Variants in UGGT2 observed in about 807,000 individuals in gnomAD.
UGGT2 encodes UDP-glucose:glycoprotein glucosyltransferase 2.
In UGGT2, 180 loss-of-function variants were observed where a neutral mutation model predicts 192.1. The observed-to-expected ratio is 0.94, with a 90% confidence interval of 0.83 to 1.06. UGGT2 has a LOEUF of 1.06. UGGT2 is among the 50% of genes least tolerant of loss of function. UGGT2 has a pLI of 0.00. For missense variants in UGGT2, 1,849 were observed against 1,795.7 expected (o/e 1.03, Z -0.54); for synonymous variants, 580 against 591.0 (o/e 0.98, Z 0.27).
intron 38 of UGGT2, among the ~76,000 whole-genome samples, chr13:95,830,171 A>G (rs1044254430): frequency 6.6e-6 from 1 of 152,228 alleles, no homozygotes; most frequent in Non-Finnish European, 1.5e-5. Context: ...TAAAACCATA[A>G]AAACTGTAGA....
intron 24 of UGGT2, among the ~76,000 whole-genome samples, chr13:95,893,449 T>C (rs1664015624): frequency 2.6e-5 from 4 of 152,264 alleles, no homozygotes; most frequent in African/African-American, 9.6e-5. Context: ...GATATAACTA[T>C]GGAAGTAATA....
chr13:96,023,150 A>G lies in UGGT2; in HGVS notation c.375T>C (p.Ile125=). Residue 125 remains isoleucine, a splice_region_variant and synonymous_variant, in exon 4 of 39, where the codon ATT becomes ATC. Transcript: ENST00000376747. ...CATCTGGTGGTGGCTCATCAGCTGC[A>G]ATCTAAGATTTCAAAGATTATATTT... is the stretch of plus-strand genomic sequence containing the variant. ...YSPAIQMFQQ[I]AADEPPPDGC... is the part of the protein sequence containing the mutation. The G allele has an allele frequency of 6.4e-7, 1 of 1,573,126 alleles. No individual in the cohort carries two copies. Among genetic ancestry groups the G allele is most frequent in the Non-Finnish European group, 8.6e-7 (1 of 1,158,518 alleles).
chr13:95,959,257 T>A (rs1485228636), intron 12 of UGGT2, among the ~76,000 whole-genome samples: 2 of 152,156 alleles, frequency 1.3e-5, no homozygotes, highest in East Asian at 3.9e-4. Flanking sequence ...TGTGTGTGTG[T>A]TTTGGGGTGG....
At chr13:96,010,653 T>C (rs1228819353) in intron 5 of UGGT2, among the ~76,000 whole-genome samples, 2 of 152,188 alleles carry the variant, frequency 1.3e-5, no homozygotes, top group Non-Finnish European at 2.9e-5. Flanking sequence ...TCAAGAGACA[T>C]AATTTTCAAT....
chr13:95,884,811 C>T lies in UGGT2; in HGVS notation c.3039-131G>A, dbSNP rs113290527. The T allele has an allele frequency of 2.4e-4, 202 of 842,636 alleles. 1 individual carries two copies. In the Middle Eastern group the frequency reaches 2.5e-3, roughly 11 times the overall value. The allele number at this position is 842,636 out of a possible 1,614,324, so 52.2% of individuals were successfully genotyped here. A position where few individuals can be genotyped will look rare whatever the true frequency, so the allele number is the denominator to read the frequency against. ...ATCAAAAAGACTAAGATGCATTATA[C>T]TGCAGAAAAGTTAATGCTTATGAGA... is the stretch of plus-strand genomic sequence containing the variant. On this transcript the variant is annotated intron_variant, in intron 26 of 38. Transcript: ENST00000376747.
intron 12 of UGGT2, among the ~76,000 whole-genome samples, chr13:95,959,072 A>G (rs906984736): frequency 6.6e-5 from 10 of 152,186 alleles, no homozygotes; most frequent in African/African-American, 2.4e-4. Flanking sequence ...CAGCTCCCAC[A>G]GACTGTGTCC....
intron 23 of UGGT2, among the ~76,000 whole-genome samples, 183 bp downstream of exon 23, chr13:95,894,997 T>C (rs1337698998): frequency 6.6e-6 from 1 of 152,110 alleles, no homozygotes; most frequent in Non-Finnish European, 1.5e-5. Flanking sequence ...AAGAAAACAT[T>C]AACATCTACA....
At chr13:96,048,590 G>GC (rs1461397472) in intron 1 of UGGT2, among the ~76,000 whole-genome samples, 1 of 152,044 alleles carries the variant, frequency 6.6e-6, no homozygotes, top group African/African-American at 2.4e-5. Context: ...TAGACCGCTA[G>GC]CAAGACTAAT....
intron 20 of UGGT2, among the ~76,000 whole-genome samples, chr13:95,916,543 G>A (rs112027381): frequency 5.8e-4 from 88 of 152,324 alleles, no homozygotes; most frequent in African/African-American, 1.2e-3. Context: ...GAACTGGGCC[G>A]AGGCCAAGAT....
chr13:96,020,542 C>G (rs1181677417), intron 4 of UGGT2, among the ~76,000 whole-genome samples: 1 of 152,124 alleles, frequency 6.6e-6, no homozygotes, highest in Non-Finnish European at 1.5e-5. Flanking sequence ...GTTATATAAT[C>G]AGAGCCAAAA....
chr13:95,991,453 T>C, intron 7 of UGGT2: 1 of 454,714 alleles, frequency 2.2e-6, no homozygotes, highest in Non-Finnish European at 4.4e-6. Flanking sequence ...AACACGTATT[T>C]TCAATAGTCA....
At chr13:95,945,381 T>C (rs1339247858) in intron 15 of UGGT2, among the ~76,000 whole-genome samples, 3 of 152,092 alleles carry the variant, frequency 2.0e-5, no homozygotes, top group Non-Finnish European at 2.9e-5. Flanking sequence ...TCCCTCTCCT[T>C]CTAATTGTTT....
chr13:96,027,607 T>C (rs1594602207), intron 2 of UGGT2, among the ~76,000 whole-genome samples: 1 of 152,192 alleles, frequency 6.6e-6, no homozygotes, highest in South Asian at 2.1e-4. Context: ...ACTCATCTTA[T>C]TCCCTTCATA....
chr13:96,018,442 G>A (rs2052405831), intron 4 of UGGT2, among the ~76,000 whole-genome samples: 1 of 152,080 alleles, frequency 6.6e-6, no homozygotes, highest in Non-Finnish European at 1.5e-5. Context: ...CTTGAGCCTG[G>A]GAAGCAGAAG....
chr13:95,854,585 T>C (rs1218496392), intron 34 of UGGT2, 110 bp from the exon 35 acceptor site: 12 of 937,134 alleles, frequency 1.3e-5, no homozygotes, highest in Non-Finnish European at 1.8e-5. Context: ...AAGAGCTGTA[T>C]TGTCCTCACA....
At chr13:95,956,610 A>G (rs886750680) in intron 12 of UGGT2, among the ~76,000 whole-genome samples, 1 of 152,254 alleles carries the variant, frequency 6.6e-6, no homozygotes, top group African/African-American at 2.4e-5. Context: ...CCACAATGAG[A>G]TACCAGTTCA....
intron 10 of UGGT2, among the ~76,000 whole-genome samples, chr13:95,977,436 A>C (rs959101564): frequency 2.0e-5 from 3 of 152,236 alleles, no homozygotes; most frequent in African/African-American, 7.2e-5. Context: ...TGCAGCCAAC[A>C]AACATAAGAA....
chr13:95,844,436 T>G (rs1888184721), intron 36 of UGGT2, among the ~76,000 whole-genome samples: 1 of 152,230 alleles, frequency 6.6e-6, no homozygotes, highest in Admixed American at 6.5e-5. Context: ...ATATCCAGTC[T>G]TCCAACCATG....
intron 10 of UGGT2, among the ~76,000 whole-genome samples, chr13:95,978,420 T>G (rs1030467485): frequency 4.2e-4 from 64 of 152,316 alleles, no homozygotes; most frequent in African/African-American, 1.5e-3. Flanking sequence ...TATATTCTGG[T>G]TATCAATCCC....
Sources: gnomAD v4.1 joint callset for allele counts (sites outside exome capture counted in the v4.1 genomes callset) on GRCh38, gnomAD v4.1.1 for gene constraint, MANE v1.5 for transcripts, NCBI Gene and HGNC (gene_info 2026-07-23, HGNC 2026-07-21) for gene names.